ITPK1: variants seen among roughly 807,000 people sequenced by gnomAD.
ITPK1 encodes inositol 1,3,4-trisphosphate 5/6-kinase.
ITPK1 carries 21 observed loss-of-function variants against 45.3 expected under a neutral mutation model. The observed-to-expected ratio is 0.46, with a 90% confidence interval of 0.33 to 0.67. The LOEUF (loss-of-function observed/expected upper bound fraction) is 0.67, where lower values mean the gene tolerates loss of function less well. Ranked by LOEUF, ITPK1 falls within the 30% of genes least tolerant of loss-of-function variation. The pLI, the probability that ITPK1 is intolerant of heterozygous loss-of-function variation, is 0.02. For synonymous variants in ITPK1, 258 were observed against 253.6 expected (o/e 1.02, Z -0.16); for missense variants, 474 against 573.5 (o/e 0.83, Z 1.77).
intron 8 of ITPK1, among the ~76,000 whole-genome samples, chr14:92,954,773 G>C (rs537664013): frequency 6.6e-6 from 1 of 152,232 alleles, no homozygotes; most frequent in African/African-American, 2.4e-5. Flanking sequence ...AAGGGGATGG[G>C]GAGAATGTGT....
At chr14:92,985,452 A>G (rs1053621251) in intron 5 of ITPK1, among the ~76,000 whole-genome samples, 1 of 151,958 alleles carries the variant, frequency 6.6e-6, no homozygotes, top group Non-Finnish European at 1.5e-5. Flanking sequence ...AAAATTTCTT[A>G]AAAATAAAAA....
At chr14:93,051,732 G>A (rs575275963) in intron 3 of ITPK1, among the ~76,000 whole-genome samples, 4 of 152,284 alleles carry the variant, frequency 2.6e-5, no homozygotes, top group South Asian at 4.1e-4. Context: ...ATAGCCAAGC[G>A]TGAAAGCCAA....
In ITPK1 at chr14:93,066,320, ATGTGTGTGTGTGTG is replaced by A. The variant is rs755050138; in HGVS notation, c.120+10261_120+10274del. On this transcript the variant is annotated intron_variant, in intron 3 of 10. Coordinates refer to ENST00000267615, the MANE Select transcript of ITPK1 (RefSeq NM_014216.6). ...TGTGCGCGTGCATGTGTGTGTGTGT[ATGTGTGTGTGTGTG>A]TGTGTGTAGGGGGCAGAGGCGTCTG... 7.1e-6 allele frequency: 3 copies of A among 421,164 alleles called. No homozygotes were observed. The Admixed American group carries it at 7.5e-5, about 11-fold the overall frequency. 26.1% of individuals were successfully genotyped at this position (421,164 alleles called of 1,614,324 possible).
intron 2 of ITPK1, among the ~76,000 whole-genome samples, chr14:93,110,484 T>C (rs564545003): frequency 2.0e-5 from 3 of 152,228 alleles, no homozygotes; most frequent in East Asian, 1.9e-4. Flanking sequence ...GAAAAGGACC[T>C]TGGAGATGGC....
intron 5 of ITPK1, among the ~76,000 whole-genome samples, chr14:92,967,023 G>A (rs1007651967): frequency 2.6e-5 from 4 of 152,158 alleles, no homozygotes; most frequent in South Asian, 2.1e-4. Context: ...CTTCATGACC[G>A]TGCATTAGGC....
At chr14:93,102,235 CGA>C (rs1892348107) in intron 2 of ITPK1, among the ~76,000 whole-genome samples, 1 of 152,234 alleles carries the variant, frequency 6.6e-6, no homozygotes, top group Admixed American at 6.5e-5. Flanking sequence ...CCCAGAGCAG[CGA>C]GAGGATGGGG....
intron 2 of ITPK1, among the ~76,000 whole-genome samples, chr14:93,104,185 T>C (rs982605682): frequency 2.0e-5 from 3 of 152,136 alleles, no homozygotes; most frequent in South Asian, 2.1e-4. Flanking sequence ...CAAAGGATGC[T>C]CAGAAAAGAA....
intron 4 of ITPK1, among the ~76,000 whole-genome samples, chr14:93,011,609 C>T (rs1187120095): frequency 6.6e-6 from 1 of 152,158 alleles, no homozygotes; most frequent in African/African-American, 2.4e-5. Context: ...CCTGTGTAGG[C>T]TGGGCAAGGC....
chr14:93,067,916 A>G lies in ITPK1; in HGVS notation c.120+8679T>C, dbSNP rs1182211671. On this transcript the variant is annotated intron_variant, in intron 3 of 10. Transcript: ENST00000267615. ...AATACCTGCATTTCAAATTTTTTAA[A>G]AAAACCATAAAATCTATCTTTTAAA... is the stretch of plus-strand genomic sequence containing the variant. 2.0e-5 allele frequency: 3 copies of G among 153,736 alleles called. No individual in the cohort carries two copies. The East Asian group carries it at 5.8e-4, about 30-fold the overall frequency. The allele number at this position is 153,736 out of a possible 1,614,324, so 9.5% of individuals were successfully genotyped here. A position where few individuals can be genotyped will look rare whatever the true frequency, so the allele number is the denominator to read the frequency against.
Position 93,028,495 on chromosome 14 carries a change from T to A in ITPK1, c.121-11694A>T, listed in dbSNP as rs147806721. Reference sequence around the variant, plus strand: ...CTCAAGTCCCAGATACTGGAAGCAATGGAGGGGTGGAGGCAGCTGTGGGCA... The same window carrying A: ...CTCAAGTCCCAGATACTGGAAGCAAAGGAGGGGTGGAGGCAGCTGTGGGCA... On this transcript the variant is annotated intron_variant, in intron 3 of 10. Coordinates refer to ENST00000267615, the MANE Select transcript of ITPK1 (RefSeq NM_014216.6). 2.2e-3 allele frequency among the ~76,000 whole-genome samples: 336 copies of A among 152,314 alleles called. 1 individual carries two copies. The highest frequency in any genetic ancestry group is 3.6e-3 in the Non-Finnish European group (246 of 68,026).
At chr14:93,033,022 G>A (rs1434023948) in intron 3 of ITPK1, among the ~76,000 whole-genome samples, 1 of 152,242 alleles carries the variant, frequency 6.6e-6, no homozygotes, top group Non-Finnish European at 1.5e-5. Context: ...CAGGGTGAAA[G>A]CAGATCTGTG....
chr14:92,962,378 C>A lies in ITPK1; in HGVS notation c.481G>T (p.Ala161Ser). 6.2e-7 allele frequency: 1 copy of A among 1,611,126 alleles called. No homozygotes were observed. The highest frequency in any genetic ancestry group is 8.5e-7 in the Non-Finnish European group (1 of 1,177,270). Residue 161 changes from alanine (A) to serine (S), a missense_variant, in exon 7 of 11, where the codon GCT becomes TCT. Ala to Ser is a moderately conservative substitution (Grantham distance 99). Around this residue, in one of 2 missense-constraint regions of ITPK1, gnomAD observed 367 missense variants for 480.6 expected, o/e 0.76. Coordinates refer to ENST00000267615, the MANE Select transcript of ITPK1 (RefSeq NM_014216.6). The stretch of plus-strand genomic sequence containing the variant: ...ACCTCGTGAGAGTTGGTGCCATGAG[C>A]CACTCTGGTTTTGCAAACTATGGGT... ...TFPFICKTRV[A>S]HGTNSHEMAI...
chr14:92,962,418 CAG>C (rs1416576941), intron 6 of ITPK1, 23 bp from the exon 7 acceptor site: 1 of 1,582,534 alleles, frequency 6.3e-7, no homozygotes, highest in Middle Eastern at 1.7e-4. Flanking sequence ...GAGAGAAAAG[CAG>C]AGAGAAATTA....
intron 3 of ITPK1, among the ~76,000 whole-genome samples, chr14:93,045,074 C>T (rs188024549): frequency 1.3e-5 from 2 of 152,372 alleles, no homozygotes; most frequent in Non-Finnish European, 2.9e-5. Flanking sequence ...TGCCATGCTG[C>T]TTTTGAGCCT....
chr14:92,969,925 G>T (rs1189262950), intron 5 of ITPK1, among the ~76,000 whole-genome samples: 3 of 152,116 alleles, frequency 2.0e-5, no homozygotes, highest in Non-Finnish European at 2.9e-5. Flanking sequence ...CCATGAAGCG[G>T]GAGGGCACGT....
chr14:93,093,469 T>C (rs1487803652), intron 2 of ITPK1, among the ~76,000 whole-genome samples: 1 of 152,128 alleles, frequency 6.6e-6, no homozygotes, highest in Non-Finnish European at 1.5e-5. Flanking sequence ...CTCCCCTTCC[T>C]CATGAAGTCA....
intron 3 of ITPK1, among the ~76,000 whole-genome samples, chr14:93,073,886 G>C (rs766426872): frequency 6.6e-6 from 1 of 152,140 alleles, no homozygotes; most frequent in Non-Finnish European, 1.5e-5. Flanking sequence ...TGCACAGAAC[G>C]GGAGACGCCC....
At chr14:92,994,574 A>C (rs1006412092) in intron 4 of ITPK1, among the ~76,000 whole-genome samples, 4 of 152,170 alleles carry the variant, frequency 2.6e-5, no homozygotes, top group African/African-American at 7.2e-5. Context: ...TAGGGGAATA[A>C]CCCTAACTTA....
intron 4 of ITPK1, among the ~76,000 whole-genome samples, chr14:93,008,344 C>T (rs1375718189): frequency 6.6e-6 from 1 of 152,214 alleles, no homozygotes; most frequent in Non-Finnish European, 1.5e-5. Context: ...AGGGCAGGGG[C>T]TGCGTCCACC....
Sources: gnomAD v4.1 joint callset for allele counts (sites outside exome capture counted in the v4.1 genomes callset) on GRCh38, gnomAD v4.1.1 for gene constraint, gnomAD v4.1.1 regional missense constraint, MANE v1.5 for transcripts, NCBI Gene and HGNC (gene_info 2026-07-23, HGNC 2026-07-21) for gene names.